Variants in CPED1 observed in about 807,000 individuals in gnomAD.
CPED1 encodes cadherin-like and PC-esterase domain-containing protein 1.
In CPED1, 114 loss-of-function variants were observed where a neutral mutation model predicts 128.2. The observed-to-expected ratio is 0.89, with a 90% CI of 0.76 to 1.04. CPED1 has a LOEUF of 1.04. CPED1 is among the 50% of genes least tolerant of loss of function. The probability of loss-of-function intolerance (pLI) is 0.00; values close to 1 mark genes in which losing one functional copy is unlikely to be tolerated. For synonymous variants in CPED1, 462 were observed against 426.7 expected (o/e 1.08, Z -1.02); for missense variants, 1,211 against 1,207.1 (o/e 1.00, Z -0.05).
At chr7:120,998,756 TATATCACTCAA>T (rs1316552366) in intron 2 of CPED1, among the ~76,000 whole-genome samples, 3 of 151,970 alleles carry the variant, frequency 2.0e-5, no homozygotes, top group Non-Finnish European at 2.9e-5. Context: ...AGGAGGCTGA[TATATCACTCAA>T]CGTCAGACTT....
At chr7:121,168,836 G>A (rs1796591030) in intron 16 of CPED1, among the ~76,000 whole-genome samples, 1 of 152,044 alleles carries the variant, frequency 6.6e-6, no homozygotes, top group Admixed American at 6.6e-5. Context: ...AACATGGGAT[G>A]TTTGTCTTCC....
intron 12 of CPED1, among the ~76,000 whole-genome samples, chr7:121,132,841 G>A (rs919467064): frequency 6.6e-6 from 1 of 151,948 alleles, no homozygotes; most frequent in African/African-American, 2.4e-5. Flanking sequence ...TTTTGTAAAA[G>A]TCACCTGGAA....
chr7:121,030,904 C>T (rs1372748507), intron 3 of CPED1, among the ~76,000 whole-genome samples: 1 of 152,128 alleles, frequency 6.6e-6, no homozygotes, highest in East Asian at 1.9e-4. Flanking sequence ...ATTAACTAAT[C>T]TATTTCTCAC....
intron 10 of CPED1, 142 bp downstream of exon 10, chr7:121,127,399 C>G (rs1211085613): frequency 2.0e-6 from 1 of 502,036 alleles, no homozygotes; most frequent in Non-Finnish European, 3.4e-6. Flanking sequence ...TTAATTTTTT[C>G]TGACCTCTGG....
At chr7:121,261,768 A>C in intron 18 of CPED1, 1 of 1,542,350 alleles carries the variant, frequency 6.5e-7, no homozygotes, top group Non-Finnish European at 8.8e-7. Context: ...TTTTTCTGAG[A>C]GAGTAATAAA....
chr7:121,242,363 G>T (rs1231409088), intron 17 of CPED1, among the ~76,000 whole-genome samples: 2 of 152,276 alleles, frequency 1.3e-5, no homozygotes, highest in East Asian at 3.9e-4. Context: ...TGATAACAGG[G>T]TTGTTGATGT....
At chr7:121,191,155 G>T (rs1797128147) in intron 16 of CPED1, among the ~76,000 whole-genome samples, 1 of 152,110 alleles carries the variant, frequency 6.6e-6, no homozygotes, top group African/African-American at 2.4e-5. Context: ...AAAAGTAAAA[G>T]AACTGTTTGA....
chr7:121,013,806 G>C (rs1235251377), intron 2 of CPED1, among the ~76,000 whole-genome samples: 1 of 152,150 alleles, frequency 6.6e-6, no homozygotes, highest in Admixed American at 6.5e-5. Context: ...GTCCTCAAAG[G>C]ATTTACAATC....
At chr7:121,133,359 A>G (rs540174433) in intron 12 of CPED1, among the ~76,000 whole-genome samples, 166 of 152,212 alleles carry the variant, frequency 1.1e-3, no homozygotes, top group African/African-American at 3.8e-3. Context: ...ACTGTTAATT[A>G]GAGTTTAAGG....
chr7:121,028,223 A>G (rs942320942), intron 3 of CPED1, among the ~76,000 whole-genome samples: 2 of 152,196 alleles, frequency 1.3e-5, no homozygotes, highest in African/African-American at 4.8e-5. Flanking sequence ...TTGGATTTCT[A>G]ACAAGTTTCC....
intron 7 of CPED1, among the ~76,000 whole-genome samples, chr7:121,100,524 C>G (rs1176320818): frequency 1.3e-5 from 2 of 152,094 alleles, no homozygotes; most frequent in African/African-American, 4.8e-5. Context: ...GGAATATTTG[C>G]TGAGTGAAAA....
intron 22 of CPED1, among the ~76,000 whole-genome samples, chr7:121,277,672 C>T (rs892429904): frequency 5.9e-5 from 9 of 152,070 alleles, no homozygotes; most frequent in Non-Finnish European, 1.0e-4. Context: ...CCTGCTGTTC[C>T]CCCTGAGCGA....
intron 5 of CPED1, among the ~76,000 whole-genome samples, chr7:121,079,817 T>C (rs1299853201): frequency 1.3e-5 from 2 of 152,244 alleles, no homozygotes; most frequent in Non-Finnish European, 2.9e-5. Context: ...ATACTTATGT[T>C]GTCCTGTACA....
intron 16 of CPED1, among the ~76,000 whole-genome samples, chr7:121,189,760 TTATATATATATATATA>T (rs377035175): frequency 1.9e-4 from 9 of 47,468 alleles, no homozygotes; most frequent in Admixed American, 3.2e-4. Context: ...TTATGAGGTT[TTATATATATATATATA>T]TATATATATA....
At chr7:120,993,952 TG>T in intron 2 of CPED1, 6 of 329,738 alleles carry the variant, frequency 1.8e-5, no homozygotes, top group Admixed American at 6.5e-5. Flanking sequence ...CGCCCCTGGG[TG>T]GGGGTCGTCC....
chr7:121,255,617 A>G (rs577451008), intron 18 of CPED1, among the ~76,000 whole-genome samples: 3 of 152,128 alleles, frequency 2.0e-5, no homozygotes, highest in South Asian at 4.1e-4. Flanking sequence ...AAAAAAGTCA[A>G]ACTAACTCTC....
chr7:120,989,871 G>A lies in CPED1; in HGVS notation c.249+1G>A. On this transcript the variant is annotated splice_donor_variant, in intron 2 of 22. Coordinates refer to ENST00000310396, the MANE Select transcript of CPED1 (RefSeq NM_024913.5). LOFTEE classifies it high-confidence loss of function. ...TGGTAATGCCCAGGAAACCAGAAAG[G>A]TAAGACTCTCATAAGCTTAACGGAG... The A allele has an allele frequency of 3.7e-6, 6 of 1,613,998 alleles. No individual in the cohort carries two copies. Among genetic ancestry groups the A allele is most frequent in the African/African-American group, 1.3e-5 (1 of 75,026 alleles).
chr7:121,056,842 C>T (rs556899100), intron 4 of CPED1, among the ~76,000 whole-genome samples: 17 of 152,146 alleles, frequency 1.1e-4, no homozygotes, highest in Non-Finnish European at 2.5e-4. Context: ...TTGTTTCATG[C>T]ATAATATGTG....
At chr7:121,203,660 TGAG>T (rs1797454082) in intron 16 of CPED1, among the ~76,000 whole-genome samples, 1 of 152,124 alleles carries the variant, frequency 6.6e-6, no homozygotes, top group South Asian at 2.1e-4. Context: ...TTCATGGTGC[TGAG>T]GAAACTCTGA....
Sources: gnomAD v4.1 joint callset for allele counts (sites outside exome capture counted in the v4.1 genomes callset) on GRCh38, gnomAD v4.1.1 for gene constraint, MANE v1.5 for transcripts, NCBI Gene and HGNC (gene_info 2026-07-23, HGNC 2026-07-21) for gene names.